The following ACER2 variants were observed in gnomAD, a reference collection of about 807,000 sequenced individuals.
The protein encoded by ACER2 is alkCDase 2.
ACER2 carries 26 observed loss-of-function variants against 34.7 expected under a neutral mutation model. The ratio of observed to expected loss-of-function variants is 0.75; its 90% CI spans 0.55 to 1.04. The LOEUF (loss-of-function observed/expected upper bound fraction) is 1.04, where lower values mean the gene tolerates loss of function less well. ACER2 is among the 50% of genes least tolerant of loss of function. The pLI, the probability that ACER2 is intolerant of heterozygous loss-of-function variation, is 0.00. For synonymous variants in ACER2, 138 were observed against 132.1 expected (o/e 1.04, Z -0.31); for missense variants, 352 against 340.8 (o/e 1.03, Z -0.26).
intron 4 of ACER2, among the ~76,000 whole-genome samples, chr9:19,441,789 A>T (rs1831164733): frequency 6.6e-6 from 1 of 152,180 alleles, no homozygotes; most frequent in Middle Eastern, 3.2e-3. Flanking sequence ...CCCAGCCAGG[A>T]AAAGAAAAGA....
chr9:19,409,410 CCTG>C (rs1435813391), intron 1 of ACER2, among the ~76,000 whole-genome samples: 1 of 152,238 alleles, frequency 6.6e-6, no homozygotes, highest in African/African-American at 2.4e-5. Flanking sequence ...TCATCTTCCT[CCTG>C]CTGTCATTTG....
Position 19,452,427 on chromosome 9 carries a change from G to A in ACER2, c.*1791G>A, listed in dbSNP as rs1831595618. Among the ~76,000 whole-genome samples the A allele has an allele frequency of 6.6e-6, 1 of 152,166 alleles. No individual in the cohort carries two copies. The highest frequency in any genetic ancestry group is 2.4e-5 in the African/African-American group (1 of 41,444). On this transcript the variant is annotated 3_prime_UTR_variant, in exon 6 of 6. Transcript: ENST00000340967. ...TATATAGGTTGTTGAGAAGCAGAAC[G>A]CTGTTTGTAGTAAGAAATCTTTGTG... is the stretch of plus-strand genomic sequence containing the variant.
chr9:19,449,022 T>A (rs1454016470), intron 5 of ACER2, among the ~76,000 whole-genome samples: 2 of 152,136 alleles, frequency 1.3e-5, no homozygotes, highest in African/African-American at 4.8e-5. Flanking sequence ...CCCAGCTATT[T>A]GGGAGGTTGA....
chr9:19,420,257 C>T (rs1020534046), intron 1 of ACER2, among the ~76,000 whole-genome samples: 2 of 152,184 alleles, frequency 1.3e-5, no homozygotes, highest in African/African-American at 4.8e-5. Context: ...AGCCCTGTGC[C>T]CTTGGCTTTG....
At chr9:19,430,069 T>G (rs918055000) in intron 3 of ACER2, among the ~76,000 whole-genome samples, 1 of 152,090 alleles carries the variant, frequency 6.6e-6, no homozygotes, top group Non-Finnish European at 1.5e-5. Flanking sequence ...GAAATGAAAT[T>G]ATCACTGCTT....
intron 3 of ACER2, among the ~76,000 whole-genome samples, chr9:19,428,691 C>T (rs887297748): frequency 6.8e-6 from 1 of 148,130 alleles, no homozygotes; most frequent in East Asian, 2.0e-4. Context: ...GGGAAAATTA[C>T]GTAAGGCCTA....
intron 3 of ACER2, among the ~76,000 whole-genome samples, chr9:19,431,118 A>G (rs1041446782): frequency 6.6e-5 from 10 of 152,186 alleles, no homozygotes; most frequent in African/African-American, 2.4e-4. Context: ...TGAGAGTATG[A>G]TATCAACAAC....
intron 1 of ACER2, among the ~76,000 whole-genome samples, chr9:19,410,791 C>G (rs1830065412): frequency 6.6e-6 from 1 of 152,192 alleles, no homozygotes; most frequent in Non-Finnish European, 1.5e-5. Context: ...CCAGAGCATG[C>G]TGTCAGGGGT....
At chr9:19,440,320 C>G (rs1180782053) in intron 4 of ACER2, among the ~76,000 whole-genome samples, 1 of 152,194 alleles carries the variant, frequency 6.6e-6, no homozygotes, top group African/African-American at 2.4e-5. Flanking sequence ...ACCCTCAACT[C>G]CCTGCTTGCT....
chr9:19,423,450 C>T (rs540629770), intron 1 of ACER2, among the ~76,000 whole-genome samples: 1 of 152,288 alleles, frequency 6.6e-6, no homozygotes, highest in South Asian at 2.1e-4. Context: ...CCTGCAATCC[C>T]AGCACGTTGG....
chr9:19,432,641 C>T (rs899423229), intron 3 of ACER2, among the ~76,000 whole-genome samples: 14 of 147,498 alleles, frequency 9.5e-5, no homozygotes, highest in African/African-American at 2.2e-4. Flanking sequence ...TATTAATGCA[C>T]ATATTTAATT....
chr9:19,422,323 C>G (rs1830430543), intron 1 of ACER2, among the ~76,000 whole-genome samples: 1 of 151,574 alleles, frequency 6.6e-6, no homozygotes. Flanking sequence ...AGTAAACTAT[C>G]TCATTAATGA....
At chr9:19,434,097 G>A (rs1205364597) in intron 3 of ACER2, among the ~76,000 whole-genome samples, 3 of 151,136 alleles carry the variant, frequency 2.0e-5, no homozygotes, top group African/African-American at 7.3e-5. Context: ...CCCAGACGGG[G>A]TGGCGGCCGG....
rs953023367 is a variant in ACER2 at position 19,445,223 on chromosome 9, C to T, written c.504-1058C>T. Among the ~76,000 whole-genome samples, 28 of 152,336 alleles carry T rather than the reference C, an allele frequency of 1.8e-4. No individual in the cohort carries two copies. The South Asian group carries it at 2.5e-3, about 14-fold the overall frequency. On this transcript the variant is annotated intron_variant, in intron 4 of 5. Coordinates refer to ENST00000340967, the MANE Select transcript of ACER2 (RefSeq NM_001010887.3). ...GCAAGTCTTTGTCAAGGAAAGAAGA[C>T]GGCAATTGAAATTTTCATTGAGCTG... is the stretch of plus-strand genomic sequence containing the variant.
At chr9:19,418,139 A>G (rs1285595788) in intron 1 of ACER2, among the ~76,000 whole-genome samples, 1 of 152,274 alleles carries the variant, frequency 6.6e-6, no homozygotes, top group African/African-American at 2.4e-5. Flanking sequence ...AATCAAAACC[A>G]CAATGAGATA....
Position 19,424,737 on chromosome 9 carries a change from C to G in ACER2, c.261C>G (p.Phe87Leu), listed in dbSNP as rs1473492200. ...TCTACTTCCATGCAACCCTTAGTTT[C>G]TTGGGTCAGATGCTTGATGAACTTG... The part of the protein sequence containing the change: ...GSVYFHATLS[F>L]LGQMLDELAV... The change falls in exon 3 of 6, where the codon TTC becomes TTG. Residue 87 changes from phenylalanine (F) to leucine (L), a missense_variant. Physicochemically the swap from Phe to Leu is conservative, Grantham distance 22. Coordinates refer to ENST00000340967, the MANE Select transcript of ACER2 (RefSeq NM_001010887.3). 6 of 1,613,938 alleles carry G rather than the reference C, an allele frequency of 3.7e-6. No homozygotes were observed. Among genetic ancestry groups the G allele is most frequent in the Non-Finnish European group, 5.1e-6 (6 of 1,180,032 alleles).
At chr9:19,427,703 G>C (rs1472165417) in intron 3 of ACER2, among the ~76,000 whole-genome samples, 1 of 124,658 alleles carries the variant, frequency 8.0e-6, no homozygotes, top group Non-Finnish European at 1.5e-5. Flanking sequence ...CTGTCTCTCT[G>C]TTGCCCAGGC....
In ACER2 at chr9:19,450,686, C is replaced by G. The variant is rs777625523; in HGVS notation, c.*50C>G. The G allele has an allele frequency of 6.8e-7, 1 of 1,473,838 alleles. No individual in the cohort carries two copies. The highest frequency in any genetic ancestry group is 1.5e-5 in the South Asian group (1 of 68,362). 91.3% of individuals were successfully genotyped at this position (1,473,838 alleles called of 1,614,324 possible). Reference sequence around the variant, plus strand: ...TGCTTATCGCCCCTCATGCAGTGGGCTTCCTTTGCTAGGAAGACAGCCAAG... The same window carrying G: ...TGCTTATCGCCCCTCATGCAGTGGGGTTCCTTTGCTAGGAAGACAGCCAAG... On this transcript the variant is annotated 3_prime_UTR_variant, in exon 6 of 6. Coordinates refer to ENST00000340967, the MANE Select transcript of ACER2 (RefSeq NM_001010887.3).
intron 1 of ACER2, among the ~76,000 whole-genome samples, chr9:19,418,691 T>G (rs1274331932): frequency 6.6e-6 from 1 of 151,974 alleles, no homozygotes; most frequent in African/African-American, 2.4e-5. Context: ...CCGGGGCCTT[T>G]TGAGGGGTAG....
Sources: allele counts gnomAD v4.1 joint callset (sites outside exome capture counted in the v4.1 genomes callset), GRCh38; gene constraint gnomAD v4.1.1; transcripts MANE v1.5; gene names NCBI Gene and HGNC (gene_info 2026-07-23, HGNC 2026-07-21).